Variants in SNTB1 observed in about 807,000 individuals in gnomAD.
The protein encoded by SNTB1 is beta-1-syntrophin.
A neutral mutation model predicts 48.9 loss-of-function variants in SNTB1; 36 were observed. That is an observed-to-expected ratio of 0.74 (90% CI 0.56 to 0.97). SNTB1 has a LOEUF of 0.97. Ranked by LOEUF, SNTB1 falls within the 50% of genes least tolerant of loss-of-function variation. The pLI is 0.00. For synonymous variants in SNTB1, 299 were observed against 294.6 expected (o/e 1.01, Z -0.15); for missense variants, 786 against 703.4 (o/e 1.12, Z -1.33).
Position 120,811,968 on chromosome 8 carries a change from C to G in SNTB1, c.-125G>C, listed in dbSNP as rs1009706641. On this transcript the variant is annotated 5_prime_UTR_variant, in exon 1 of 7. Transcript: ENST00000517992. ...TGCGTCCCGCGGGGAGGTGGCGGCA[C>G]GCGGGACTCCGCTCCGGGAGTTCGC... 12 of 1,272,616 alleles carry G rather than the reference C, an allele frequency of 9.4e-6. No individual in the cohort carries two copies. In the South Asian group the frequency reaches 1.7e-4, roughly 18 times the overall value. 78.8% of individuals were successfully genotyped at this position (1,272,616 alleles called of 1,614,324 possible).
At chr8:120,711,302 T>A (rs935274645) in intron 1 of SNTB1, among the ~76,000 whole-genome samples, 1 of 150,252 alleles carries the variant, frequency 6.7e-6, no homozygotes, top group Non-Finnish European at 1.5e-5. Flanking sequence ...ATAACACCTT[T>A]AAATATTACA....
intron 1 of SNTB1, among the ~76,000 whole-genome samples, chr8:120,794,306 C>T (rs1216952476): frequency 6.6e-6 from 1 of 151,926 alleles, no homozygotes; most frequent in Non-Finnish European, 1.5e-5. Flanking sequence ...TTCCCAGCTC[C>T]CATCAGCTCA....
Position 120,798,037 on chromosome 8 carries a change from G to A in SNTB1, c.571+13236C>T, listed in dbSNP as rs1238978834. ...ATGTCTTATGTTTGCTACAAAGCAC[G>A]AAAAAAGAGAAATAAATCCGTAAGA... On this transcript the variant is annotated intron_variant, in intron 1 of 6. Transcript: ENST00000517992. 2.0e-5 allele frequency among the ~76,000 whole-genome samples: 3 copies of A among 151,822 alleles called. No individual in the cohort carries two copies. In the East Asian group the frequency reaches 5.8e-4, roughly 29 times the overall value.
intron 2 of SNTB1, among the ~76,000 whole-genome samples, chr8:120,686,796 C>G (rs181736420): frequency 3.3e-5 from 5 of 152,280 alleles, no homozygotes; most frequent in African/African-American, 1.2e-4. Flanking sequence ...ATATGTAAAA[C>G]ATGCCCACTT....
chr8:120,698,208 G>T (rs1473996997), intron 1 of SNTB1, among the ~76,000 whole-genome samples: 2 of 152,068 alleles, frequency 1.3e-5, no homozygotes, highest in African/African-American at 2.4e-5. Flanking sequence ...TACTTTGGAT[G>T]GGGTAATGGC....
chr8:120,743,017 T>C (rs554297210), intron 1 of SNTB1, among the ~76,000 whole-genome samples: 1 of 152,246 alleles, frequency 6.6e-6, no homozygotes, highest in Admixed American at 6.5e-5. Flanking sequence ...AGAAGTAAGA[T>C]ATTTAGAAAA....
At chr8:120,555,283 G>A (rs541659171) in intron 4 of SNTB1, among the ~76,000 whole-genome samples, 43 of 152,186 alleles carry the variant, frequency 2.8e-4, no homozygotes, top group Non-Finnish European at 4.3e-4. Flanking sequence ...AGGGGTCTCC[G>A]AGCAGAAAGG....
At chr8:120,693,526 C>G (rs949725919) in intron 2 of SNTB1, among the ~76,000 whole-genome samples, 166 bp downstream of exon 2, 2 of 152,204 alleles carry the variant, frequency 1.3e-5, no homozygotes, top group African/African-American at 4.8e-5. Flanking sequence ...GTCTCTCTCT[C>G]TCTTTCACAC....
At chr8:120,575,367 T>G in intron 3 of SNTB1, 142 bp from the exon 4 acceptor site, 1 of 896,536 alleles carries the variant, frequency 1.1e-6, no homozygotes, top group Non-Finnish European at 1.7e-6. Context: ...GAAAGAACCT[T>G]GTCTTTATCC....
chr8:120,719,799 C>T (rs1818626839), intron 1 of SNTB1, among the ~76,000 whole-genome samples: 1 of 152,164 alleles, frequency 6.6e-6, no homozygotes, highest in Non-Finnish European at 1.5e-5. Flanking sequence ...GTCTGCTCTA[C>T]TCACTACACT....
chr8:120,733,558 T>C (rs1818888508), intron 1 of SNTB1, among the ~76,000 whole-genome samples: 1 of 152,246 alleles, frequency 6.6e-6, no homozygotes. Flanking sequence ...CCAAACTACT[T>C]GGTCCCTTCT....
intron 5 of SNTB1, among the ~76,000 whole-genome samples, chr8:120,542,786 A>G (rs568788028): frequency 1.6e-4 from 24 of 152,026 alleles, no homozygotes; most frequent in African/African-American, 5.8e-4. Context: ...TACACCCATG[A>G]CATCAAAATT....
At chr8:120,730,170 T>A (rs1818828454) in intron 1 of SNTB1, among the ~76,000 whole-genome samples, 1 of 152,066 alleles carries the variant, frequency 6.6e-6, no homozygotes, top group South Asian at 2.1e-4. Flanking sequence ...ATTATGATTA[T>A]TTTTTTGAGA....
intron 1 of SNTB1, among the ~76,000 whole-genome samples, chr8:120,741,937 T>TA (rs1401697927): frequency 6.6e-6 from 1 of 152,234 alleles, no homozygotes; most frequent in African/African-American, 2.4e-5. Flanking sequence ...CCTTCAACTC[T>TA]ATTCTCCAAA....
rs181360586 is a variant in SNTB1, at chr8:120,801,586, A to G, written c.571+9687T>C. ...CACCTAACAAATATTGTCAAAATTC[A>G]TGATTTTAACAATATTGTATGACTA... On this transcript the variant is annotated intron_variant, in intron 1 of 6. Coordinates refer to ENST00000517992, the MANE Select transcript of SNTB1 (RefSeq NM_021021.4). Among the ~76,000 whole-genome samples, 6 of 152,214 alleles carry G rather than the reference A, an allele frequency of 3.9e-5. No homozygotes were observed. The East Asian group carries it at 9.7e-4, about 25-fold the overall frequency.
chr8:120,624,696 A>G (rs1265682754), intron 3 of SNTB1, among the ~76,000 whole-genome samples: 1 of 150,876 alleles, frequency 6.6e-6, no homozygotes, highest in Non-Finnish European at 1.5e-5. Flanking sequence ...GCACCAACTC[A>G]AAAGTCCAAA....
intron 1 of SNTB1, among the ~76,000 whole-genome samples, chr8:120,712,615 C>T (rs779639996): frequency 2.6e-5 from 4 of 151,974 alleles, no homozygotes; most frequent in African/African-American, 4.8e-5. Context: ...TCAGTGCAGA[C>T]GAAAATGTCA....
At chr8:120,637,514 A>G (rs1817102232) in intron 2 of SNTB1, 1 of 200,860 alleles carries the variant, frequency 5.0e-6, no homozygotes, top group South Asian at 8.2e-5. Flanking sequence ...GATTCACTTT[A>G]AAGTACTTAT....
intron 1 of SNTB1, among the ~76,000 whole-genome samples, chr8:120,781,650 T>C (rs186941232): frequency 4.6e-5 from 7 of 152,172 alleles, no homozygotes; most frequent in African/African-American, 7.2e-5. Context: ...GTATTATACG[T>C]GTGTGGCCAA....
Sources: allele counts gnomAD v4.1 joint callset (sites outside exome capture counted in the v4.1 genomes callset), GRCh38; gene constraint gnomAD v4.1.1; transcripts MANE v1.5; gene names NCBI Gene and HGNC (gene_info 2026-07-23, HGNC 2026-07-21).